LRRC1: variants seen among roughly 807,000 people sequenced by gnomAD.
LRRC1 encodes leucine rich repeat containing 1, also known as leucine-rich repeat-containing protein 1.
In LRRC1, 28 loss-of-function variants were observed where a neutral mutation model predicts 69.9. The observed-to-expected ratio is 0.40, with a 90% confidence interval of 0.30 to 0.55. The LOEUF is 0.55. Among genes scored for constraint, LRRC1 ranks in the 20% least tolerant of loss-of-function variants. LRRC1 has a pLI of 0.47. For synonymous variants in LRRC1, 236 were observed against 240.2 expected, an observed-to-expected ratio of 0.98 and a Z score of 0.16; for missense variants, 498 against 609.0, an observed-to-expected ratio of 0.82 and a Z score of 1.92.
chr6:53,882,216 C>T (rs969652931), intron 3 of LRRC1, among the ~76,000 whole-genome samples: 3 of 152,056 alleles, frequency 2.0e-5, no homozygotes, highest in South Asian at 2.1e-4. Context: ...GGCGTGGTGG[C>T]GCGTGCCTGT....
chr6:53,811,007 G>A (rs1278838449), intron 1 of LRRC1, among the ~76,000 whole-genome samples: 1 of 152,076 alleles, frequency 6.6e-6, no homozygotes, highest in African/African-American at 2.4e-5. Flanking sequence ...TATCATCAGG[G>A]ACTTACTTAT....
chr6:53,802,010 C>G (rs1581839306), intron 1 of LRRC1, among the ~76,000 whole-genome samples: 1 of 152,144 alleles, frequency 6.6e-6, no homozygotes, highest in Non-Finnish European at 1.5e-5. Flanking sequence ...GCTTAAAAGC[C>G]TTGTTCACGG....
At chr6:53,829,849 T>TA (rs1392380936) in intron 1 of LRRC1, among the ~76,000 whole-genome samples, 6 of 152,170 alleles carry the variant, frequency 3.9e-5, no homozygotes, top group African/African-American at 1.4e-4. Context: ...CTGTTGCTCT[T>TA]ACACTTTACT....
chr6:53,900,194 C>T (rs1008340167), intron 8 of LRRC1, among the ~76,000 whole-genome samples: 5 of 151,902 alleles, frequency 3.3e-5, no homozygotes, highest in Admixed American at 2.0e-4. Flanking sequence ...CCCGCCACCA[C>T]GCCCGGGTAA....
intron 2 of LRRC1, among the ~76,000 whole-genome samples, chr6:53,875,161 C>G (rs1767023974): frequency 6.6e-6 from 1 of 152,116 alleles, no homozygotes; most frequent in Admixed American, 6.5e-5. Flanking sequence ...GATGTTAATG[C>G]CTTTGACACA....
At chr6:53,822,614 A>G (rs929526569) in intron 1 of LRRC1, among the ~76,000 whole-genome samples, 1 of 152,148 alleles carries the variant, frequency 6.6e-6, no homozygotes, top group Non-Finnish European at 1.5e-5. Flanking sequence ...TGGACGGTGA[A>G]GTGGTTGGTT....
At chr6:53,894,503 T>C (rs1233924365) in intron 4 of LRRC1, among the ~76,000 whole-genome samples, 1 of 152,202 alleles carries the variant, frequency 6.6e-6, no homozygotes, top group Non-Finnish European at 1.5e-5. Flanking sequence ...ATTTTCCTTC[T>C]TTCATTAGTG....
Position 53,922,728 on chromosome 6 carries a change from A to G in LRRC1, c.1510A>G (p.Lys504Glu). Residue 504 changes from lysine to glutamate, a missense_variant, in exon 14 of 14, where the codon AAA (lysine) becomes GAA (glutamate). Around this residue, in one of 3 missense-constraint regions of LRRC1, gnomAD observed 162 missense variants for 162.9 expected, o/e 0.99. Transcript: ENST00000370888. The part of the protein sequence containing the change: ...ENLRNDMNAA[K>E]GLDSNKNEVN... ...TTTACGGAATGACATGAATGCTGCT[A>G]AAGGACTGGACTCAAACAAAAACGA... 2 of 1,614,100 alleles carry G rather than the reference A, an allele frequency of 1.2e-6. No homozygotes were observed. The highest frequency in any genetic ancestry group is 1.7e-6 in the Non-Finnish European group (2 of 1,179,942).
chr6:53,914,455 A>T (rs1768505804), intron 11 of LRRC1, among the ~76,000 whole-genome samples: 1 of 152,172 alleles, frequency 6.6e-6, no homozygotes, highest in African/African-American at 2.4e-5. Context: ...TATTTAGGGA[A>T]GTGTTTACAG....
At chr6:53,871,714 C>T (rs377753669) in intron 2 of LRRC1, among the ~76,000 whole-genome samples, 1 of 152,118 alleles carries the variant, frequency 6.6e-6, no homozygotes, top group East Asian at 1.9e-4. Context: ...GTTGCCCAGG[C>T]TTGGGTGCAG....
chr6:53,796,411 A>G (rs1056483088), intron 1 of LRRC1, among the ~76,000 whole-genome samples: 1 of 152,064 alleles, frequency 6.6e-6, no homozygotes, highest in East Asian at 1.9e-4. Context: ...AATAATCCAA[A>G]GGTGTGCAGG....
intron 8 of LRRC1, 118 bp from the exon 9 acceptor site, chr6:53,902,511 G>A (rs1768092240): frequency 3.6e-6 from 2 of 548,344 alleles, no homozygotes; most frequent in Non-Finnish European, 6.3e-6. Context: ...AGCTAGATGA[G>A]GAAAAAATAA....
chr6:53,904,490 T>C, intron 10 of LRRC1, 28 bp downstream of exon 10: 3 of 1,367,922 alleles, frequency 2.2e-6, no homozygotes, highest in Non-Finnish European at 2.1e-6. Flanking sequence ...AATCACATGA[T>C]AATAATTATG....
At chr6:53,868,626 T>C (rs1766785729) in intron 2 of LRRC1, among the ~76,000 whole-genome samples, 1 of 152,156 alleles carries the variant, frequency 6.6e-6, no homozygotes, top group Non-Finnish European at 1.5e-5. Context: ...TTTATTTTAC[T>C]CCCCTTTATC....
intron 2 of LRRC1, among the ~76,000 whole-genome samples, chr6:53,878,706 T>G (rs1397471677): frequency 2.0e-5 from 3 of 152,228 alleles, no homozygotes; most frequent in Admixed American, 2.0e-4. Context: ...GGTTTGTAGC[T>G]CAGGGATTGG....
At chr6:53,838,514 T>C (rs1221104025) in intron 1 of LRRC1, among the ~76,000 whole-genome samples, 1 of 152,188 alleles carries the variant, frequency 6.6e-6, no homozygotes, top group East Asian at 1.9e-4. Flanking sequence ...CCAGAATGTA[T>C]GGAGATGGTG....
intron 10 of LRRC1, among the ~76,000 whole-genome samples, chr6:53,909,923 AT>A (rs1768358099): frequency 6.6e-6 from 1 of 152,212 alleles, no homozygotes; most frequent in African/African-American, 2.4e-5. Context: ...TAAGGCAAGC[AT>A]TTAAAAAATG....
At chr6:53,880,174 T>C (rs1767240229) in intron 3 of LRRC1, among the ~76,000 whole-genome samples, 1 of 152,232 alleles carries the variant, frequency 6.6e-6, no homozygotes, top group African/African-American at 2.4e-5. Flanking sequence ...TCCAATACCT[T>C]CTTATTGCCA....
chr6:53,838,053 T>C (rs1765661423), intron 1 of LRRC1, among the ~76,000 whole-genome samples: 1 of 152,222 alleles, frequency 6.6e-6, no homozygotes, highest in South Asian at 2.1e-4. Context: ...GGAATTGTTT[T>C]TCATGGGCTC....
Sources: allele counts gnomAD v4.1 joint callset (sites outside exome capture counted in the v4.1 genomes callset), GRCh38; gene constraint gnomAD v4.1.1; regional missense constraint gnomAD v4.1.1; transcripts MANE v1.5; gene names NCBI Gene and HGNC (gene_info 2026-07-23, HGNC 2026-07-21).